Variants in DENND2A observed in about 807,000 individuals in gnomAD.
DENND2A encodes DENN domain containing 2A, also known as DENN domain-containing protein 2A.
In DENND2A, 53 loss-of-function variants were observed where a neutral mutation model predicts 105.3. That is an observed-to-expected ratio of 0.50 (90% confidence interval 0.40 to 0.63). The LOEUF (loss-of-function observed/expected upper bound fraction) is 0.63, where lower values mean the gene tolerates loss of function less well. DENND2A is among the 30% of genes least tolerant of loss of function. DENND2A has a pLI of 0.00. For synonymous variants in DENND2A, 522 were observed against 508.4 expected, an observed-to-expected ratio of 1.03 and a Z score of -0.36; for missense variants, 1,138 against 1,279.6, an observed-to-expected ratio of 0.89 and a Z score of 1.69.
At chr7:140,563,860 C>T (rs746827270) in intron 9 of DENND2A, among the ~76,000 whole-genome samples, 1 of 152,012 alleles carries the variant, frequency 6.6e-6, no homozygotes, top group Non-Finnish European at 1.5e-5. Context: ...CGCCTGTAGT[C>T]CCAGTTACTT....
intron 2 of DENND2A, among the ~76,000 whole-genome samples, chr7:140,603,150 G>A (rs775171082): frequency 6.6e-6 from 1 of 152,082 alleles, no homozygotes; most frequent in Non-Finnish European, 1.5e-5. Flanking sequence ...GGGTGTGGTG[G>A]CAGGCCCTGT....
At position 140,541,508 on chromosome 7, in the gene DENND2A, C is replaced by T. The variant is rs547697649; in HGVS notation, c.2327+3110G>A. 1.1e-4 allele frequency among the ~76,000 whole-genome samples: 16 copies of T among 152,336 alleles called. No homozygotes were observed. In the East Asian group the frequency reaches 3.1e-3, roughly 29 times the overall value. ...AAATCCATCATTTTCCCCTCCCCCA[C>T]ATCCAAGCCTGAGAATTCCACCTCT... On this transcript the variant is annotated intron_variant, in intron 14 of 19. Coordinates refer to ENST00000496613, the MANE Select transcript of DENND2A (RefSeq NM_015689.5).
chr7:140,587,923 T>C, intron 3 of DENND2A, 143 bp from the exon 4 acceptor site: 1 of 1,070,082 alleles, frequency 9.3e-7, no homozygotes, highest in East Asian at 3.0e-5. Flanking sequence ...TTTTATTTCA[T>C]TTTTTGAGAC....
chr7:140,626,938 G>A (rs1165455032), intron 1 of DENND2A, among the ~76,000 whole-genome samples: 1 of 152,208 alleles, frequency 6.6e-6, no homozygotes, highest in Non-Finnish European at 1.5e-5. Flanking sequence ...TTAAATTCCA[G>A]TGAACTTGGA....
chr7:140,597,636 G>A (rs960358801), intron 3 of DENND2A, among the ~76,000 whole-genome samples: 14 of 152,160 alleles, frequency 9.2e-5, no homozygotes, highest in Non-Finnish European at 2.9e-5. Context: ...ACTGAAAAGC[G>A]CAGATGATAG....
chr7:140,562,550 T>C (rs1797670302), intron 9 of DENND2A, among the ~76,000 whole-genome samples: 1 of 152,100 alleles, frequency 6.6e-6, no homozygotes, highest in African/African-American at 2.4e-5. Flanking sequence ...TAGTCCCAGC[T>C]ACTCAGGAGG....
At chr7:140,528,084 G>A (rs535685219) in intron 14 of DENND2A, among the ~76,000 whole-genome samples, 1 of 152,024 alleles carries the variant, frequency 6.6e-6, no homozygotes, top group South Asian at 2.1e-4. Context: ...CAAGTGATCC[G>A]CCCACCTCAG....
At chr7:140,620,047 T>C (rs1800223095) in intron 1 of DENND2A, among the ~76,000 whole-genome samples, 1 of 150,176 alleles carries the variant, frequency 6.7e-6, no homozygotes, top group South Asian at 2.1e-4. Flanking sequence ...ACCAAAAAAA[T>C]TAGGCGGGCA....
chr7:140,539,350 T>C (rs1796567217), intron 14 of DENND2A, among the ~76,000 whole-genome samples: 1 of 152,152 alleles, frequency 6.6e-6, no homozygotes, highest in East Asian at 1.9e-4. Flanking sequence ...CCTGTCTCAC[T>C]GGGACCCTGC....
At chr7:140,570,615 C>A (rs753100767) in intron 6 of DENND2A, among the ~76,000 whole-genome samples, 12 of 152,178 alleles carry the variant, frequency 7.9e-5, no homozygotes, top group Non-Finnish European at 1.8e-4. Flanking sequence ...CCCCAGATGT[C>A]ATGTACCCTC....
At chr7:140,569,826 G>C (rs1029141322) in intron 6 of DENND2A, 88 bp from the exon 7 acceptor site, 1 of 867,746 alleles carries the variant, frequency 1.2e-6, no homozygotes, top group Non-Finnish European at 2.0e-6. Context: ...CTCCTAGGAC[G>C]ATGGAGGGCC....
chr7:140,536,987 T>C (rs1365840481), intron 14 of DENND2A, among the ~76,000 whole-genome samples: 1 of 152,220 alleles, frequency 6.6e-6, no homozygotes, highest in Admixed American at 6.6e-5. Context: ...CATAGGACTT[T>C]GCTGAACTAA....
At chr7:140,606,568 C>G (rs1799693188) in intron 1 of DENND2A, among the ~76,000 whole-genome samples, 1 of 152,186 alleles carries the variant, frequency 6.6e-6, no homozygotes, top group African/African-American at 2.4e-5. Flanking sequence ...CTCTACCCTT[C>G]TGCGAACCCT....
At chr7:140,613,484 G>A (rs561276093) in intron 1 of DENND2A, among the ~76,000 whole-genome samples, 10 of 148,834 alleles carry the variant, frequency 6.7e-5, no homozygotes, top group Admixed American at 3.4e-4. Flanking sequence ...AGGTTGCAGC[G>A]AGCCGAGATC....
intron 1 of DENND2A, among the ~76,000 whole-genome samples, chr7:140,626,119 G>A (rs927035876): frequency 2.0e-5 from 3 of 152,198 alleles, no homozygotes; most frequent in Non-Finnish European, 4.4e-5. Context: ...GGGTCCAGGT[G>A]CCTAACGCCT....
At chr7:140,592,705 T>C (rs1256952344) in intron 3 of DENND2A, among the ~76,000 whole-genome samples, 2 of 151,806 alleles carry the variant, frequency 1.3e-5, no homozygotes, top group African/African-American at 4.8e-5. Flanking sequence ...GTTCAAGCAA[T>C]TCTCCTGCCT....
At chr7:140,587,801 G>A (rs1798851149) in intron 3 of DENND2A, 21 bp from the exon 4 acceptor site, 4 of 1,522,686 alleles carry the variant, frequency 2.6e-6, no homozygotes, top group African/African-American at 1.4e-5. Context: ...CCAGATGGGA[G>A]GAAAAAACAA....
intron 1 of DENND2A, among the ~76,000 whole-genome samples, chr7:140,606,932 A>T (rs1799708753): frequency 6.6e-6 from 1 of 152,184 alleles, no homozygotes; most frequent in Non-Finnish European, 1.5e-5. Context: ...CATGAGCATA[A>T]ATGGACATGG....
chr7:140,617,024 A>T (rs998633423), intron 1 of DENND2A, among the ~76,000 whole-genome samples: 6 of 152,070 alleles, frequency 3.9e-5, no homozygotes, highest in Non-Finnish European at 7.4e-5. Flanking sequence ...CGCCCAGCTG[A>T]ATTTTGTAGT....
Sources: allele counts gnomAD v4.1 joint callset (sites outside exome capture counted in the v4.1 genomes callset), GRCh38; gene constraint gnomAD v4.1.1; transcripts MANE v1.5; gene names NCBI Gene and HGNC (gene_info 2026-07-23, HGNC 2026-07-21).